Variants in IL1RAPL2 observed in about 807,000 individuals in gnomAD.
The protein encoded by IL1RAPL2 is X-linked interleukin-1 receptor accessory protein-like 2.
IL1RAPL2 carries 3 observed loss-of-function variants against 44.1 expected under a neutral mutation model. That is an observed-to-expected ratio of 0.07 (90% CI 0.03 to 0.18). The LOEUF is 0.18. IL1RAPL2 is among the 10% of genes least tolerant of loss of function. IL1RAPL2 has a pLI of 1.00. For synonymous variants in IL1RAPL2, 181 were observed against 178.8 expected (o/e 1.01, Z -0.10); for missense variants, 391 against 496.4 (o/e 0.79, Z 2.02).
At chrX:105,329,583 G>A (rs2034969721) in intron 5 of IL1RAPL2, among the ~76,000 whole-genome samples, 2 of 111,559 alleles carry the variant, frequency 1.8e-5, no homozygotes, top group Admixed American at 9.6e-5. Context: ...TGAACAGGTG[G>A]GATAAAAACT....
intron 2 of IL1RAPL2, among the ~76,000 whole-genome samples, chrX:104,708,242 C>T (rs984362963): frequency 8.9e-6 from 1 of 111,802 alleles, no homozygotes; most frequent in Non-Finnish European, 1.9e-5. Context: ...TATCATCACA[C>T]AGTTGTTCTT....
chrX:105,051,564 G>A (rs370725115), intron 2 of IL1RAPL2, among the ~76,000 whole-genome samples: 1 of 112,664 alleles, frequency 8.9e-6, no homozygotes, highest in African/African-American at 3.2e-5. Flanking sequence ...CCGTAGCCCC[G>A]CCCAGGAGGG....
chrX:105,188,574 T>G (rs1889316454), intron 2 of IL1RAPL2, among the ~76,000 whole-genome samples: 1 of 111,328 alleles, frequency 9.0e-6, no homozygotes. Flanking sequence ...GAAATGAAAA[T>G]GGTTGTCAGC....
chrX:104,570,422 CACATCTGTA>C (rs1439279150), intron 1 of IL1RAPL2, among the ~76,000 whole-genome samples: 1 of 111,841 alleles, frequency 8.9e-6, no homozygotes, highest in Non-Finnish European at 1.9e-5. Flanking sequence ...CATGGTGGCT[CACATCTGTA>C]ACAATCCCAG....
intron 6 of IL1RAPL2, among the ~76,000 whole-genome samples, chrX:105,698,387 T>TA (rs1191860001): frequency 8.9e-6 from 1 of 112,037 alleles, no homozygotes; most frequent in African/African-American, 3.2e-5. Flanking sequence ...AAACTTAACT[T>TA]AGACACTTTT....
At chrX:104,663,860 G>A (rs1366791913) in intron 2 of IL1RAPL2, among the ~76,000 whole-genome samples, 2 of 108,188 alleles carry the variant, frequency 1.8e-5, no homozygotes, top group African/African-American at 6.7e-5. Context: ...AGTTGAAGGG[G>A]AAATAATTTT....
intron 1 of IL1RAPL2, among the ~76,000 whole-genome samples, chrX:104,637,378 T>A (rs115057872): frequency 0.019 from 2,102 of 111,634 alleles, 52 homozygotes; most frequent in African/African-American, 0.065. Flanking sequence ...GTGGTGAAAG[T>A]GGGCATCCTT....
chrX:105,579,728 G>C (rs1041470549), intron 6 of IL1RAPL2, among the ~76,000 whole-genome samples: 12 of 111,826 alleles, frequency 1.1e-4, no homozygotes, highest in Non-Finnish European at 1.9e-4. Context: ...TCAAGATCAC[G>C]TAAGTATGAA....
intron 2 of IL1RAPL2, among the ~76,000 whole-genome samples, chrX:104,810,808 G>A (rs1009546487): frequency 8.0e-5 from 9 of 111,984 alleles, no homozygotes; most frequent in African/African-American, 2.9e-4. Context: ...AATTGGAAGA[G>A]GTGGCAACAT....
At chrX:105,385,358 A>G (rs1424731456) in intron 5 of IL1RAPL2, among the ~76,000 whole-genome samples, 1 of 110,836 alleles carries the variant, frequency 9.0e-6, no homozygotes, top group Non-Finnish European at 1.9e-5. Flanking sequence ...TTTATATGGG[A>G]GAAACTAGGG....
At chrX:104,907,338 C>A (rs1472209274) in intron 2 of IL1RAPL2, among the ~76,000 whole-genome samples, 1 of 111,378 alleles carries the variant, frequency 9.0e-6, no homozygotes, top group Non-Finnish European at 1.9e-5. Context: ...TTCTTGCCTT[C>A]TGCTAGCTTT....
At chrX:105,073,378 C>A (rs1438245374) in intron 2 of IL1RAPL2, among the ~76,000 whole-genome samples, 1 of 108,556 alleles carries the variant, frequency 9.2e-6, no homozygotes, top group African/African-American at 3.4e-5. Flanking sequence ...ATGAACTCAT[C>A]ATTTTTTATG....
At chrX:104,660,215 G>T (rs1480499793) in intron 2 of IL1RAPL2, among the ~76,000 whole-genome samples, 1 of 110,744 alleles carries the variant, frequency 9.0e-6, no homozygotes, top group Non-Finnish European at 1.9e-5. Context: ...ATCATTCATG[G>T]CTGCCTTTCC....
chrX:105,756,520 C>T (rs775689561), intron 10 of IL1RAPL2, among the ~76,000 whole-genome samples: 1 of 111,809 alleles, frequency 8.9e-6, no homozygotes. Context: ...TTTGATTGTT[C>T]ATCTCTTTTC....
intron 1 of IL1RAPL2, among the ~76,000 whole-genome samples, chrX:104,640,738 C>T (rs969838134): frequency 8.9e-6 from 1 of 112,039 alleles, no homozygotes; most frequent in Non-Finnish European, 1.9e-5. Flanking sequence ...GTGTAGTAAT[C>T]TCCATATGAT....
chrX:105,096,392 A>G (rs1476221573), intron 2 of IL1RAPL2, among the ~76,000 whole-genome samples: 1 of 112,106 alleles, frequency 8.9e-6, no homozygotes, highest in Non-Finnish European at 1.9e-5. Context: ...TTCTACATAA[A>G]TTTTCATAGT....
chrX:105,472,618 T>A (rs752401141), intron 5 of IL1RAPL2, among the ~76,000 whole-genome samples: 1 of 112,020 alleles, frequency 8.9e-6, no homozygotes, highest in African/African-American at 3.2e-5. Context: ...TATTTTTTCC[T>A]TGGAACTATG....
chrX:105,709,358 C>T (rs1037218218), intron 6 of IL1RAPL2, among the ~76,000 whole-genome samples: 9 of 111,885 alleles, frequency 8.0e-5, no homozygotes, highest in South Asian at 3.7e-4. Flanking sequence ...GGGACCTTGA[C>T]GCTAAAGTTA....
chrX:105,754,081 T>C (rs1292360791), intron 9 of IL1RAPL2, among the ~76,000 whole-genome samples: 1 of 112,284 alleles, frequency 8.9e-6, no homozygotes, highest in Non-Finnish European at 1.9e-5. Flanking sequence ...TTTAGATATG[T>C]TCTAATTAGG....
Sources: allele counts gnomAD v4.1 joint callset (sites outside exome capture counted in the v4.1 genomes callset), GRCh38; gene constraint gnomAD v4.1.1; transcripts MANE v1.5; gene names NCBI Gene and HGNC (gene_info 2026-07-23, HGNC 2026-07-21).